Variants in PKHD1 observed in about 807,000 individuals in gnomAD.
PKHD1 encodes the protein PKHD1 ciliary IPT domain containing fibrocystin/polyductin.
Under a neutral mutation model 412.0 loss-of-function variants are expected in PKHD1, and 291 were observed. The observed-to-expected ratio is 0.71, with a 90% CI of 0.64 to 0.78. The LOEUF (loss-of-function observed/expected upper bound fraction) is 0.78, where lower values mean the gene tolerates loss of function less well. Among genes scored for constraint, PKHD1 ranks in the 30% least tolerant of loss-of-function variants. The probability of loss-of-function intolerance (pLI) is 0.00; values close to 1 mark genes in which losing one functional copy is unlikely to be tolerated. For missense variants in PKHD1, 4,825 were observed against 4,950.7 expected, an observed-to-expected ratio of 0.97 and a Z score of 0.76; for synonymous variants, 1,777 against 1,821.5, an observed-to-expected ratio of 0.98 and a Z score of 0.62.
At position 52,058,438 on chromosome 6, in the gene PKHD1, C is replaced by G. The variant is rs750730042; in HGVS notation, c.1397G>C (p.Gly466Ala). 7.4e-6 allele frequency: 12 copies of G among 1,614,164 alleles called. No individual in the cohort carries two copies. Among genetic ancestry groups the G allele is most frequent in the South Asian group, 2.2e-5 (2 of 91,076 alleles). The part of the protein sequence containing the change: ...AEHHGIAPSR[G>A]MRIGVQIHNT... Reference sequence around the variant, plus strand: ...GTGAATCTGGACACCAATCCTCATCCCCCTGCTTGGGGCTATCCCATGATG... The same window carrying G: ...GTGAATCTGGACACCAATCCTCATCGCCCTGCTTGGGGCTATCCCATGATG... Residue 466 changes from glycine to alanine, a missense_variant, in exon 16 of 67, where the codon GGG (glycine) becomes GCG (alanine). Coordinates refer to ENST00000371117, the MANE Select transcript of PKHD1 (RefSeq NM_138694.4).
chr6:51,916,971 C>A (rs568488046), intron 37 of PKHD1, among the ~76,000 whole-genome samples: 2 of 152,206 alleles, frequency 1.3e-5, no homozygotes, highest in East Asian at 3.9e-4. Context: ...TCAAGCATTT[C>A]AATGTCATTC....
At chr6:52,020,674 G>A (rs1437978325) in intron 33 of PKHD1, among the ~76,000 whole-genome samples, 2 of 152,142 alleles carry the variant, frequency 1.3e-5, no homozygotes, top group Non-Finnish European at 2.9e-5. Context: ...AAAAATTAGA[G>A]TAGGGGAGCA....
chr6:51,704,928 T>C (rs1192114622), intron 60 of PKHD1, among the ~76,000 whole-genome samples: 1 of 151,686 alleles, frequency 6.6e-6, no homozygotes, highest in East Asian at 1.9e-4. Context: ...AATACTAACA[T>C]TGGAGGTATA....
chr6:51,758,522 C>T (rs1001000779), intron 55 of PKHD1, among the ~76,000 whole-genome samples: 5 of 152,128 alleles, frequency 3.3e-5, no homozygotes, highest in Admixed American at 6.5e-5. Context: ...GTATTTTATT[C>T]CTCTGATTAG....
intron 43 of PKHD1, among the ~76,000 whole-genome samples, chr6:51,891,071 G>C (rs992766742): frequency 1.3e-5 from 2 of 152,106 alleles, no homozygotes; most frequent in African/African-American, 4.8e-5. Context: ...CACAGCTCAG[G>C]GAGTTTTACT....
intron 43 of PKHD1, among the ~76,000 whole-genome samples, chr6:51,900,467 T>C (rs1781053422): frequency 6.6e-6 from 1 of 152,216 alleles, no homozygotes; most frequent in African/African-American, 2.4e-5. Context: ...TGGCTAGCCA[T>C]ATGTAGAAAG....
intron 63 of PKHD1, among the ~76,000 whole-genome samples, chr6:51,644,460 T>A (rs1416928275): frequency 6.6e-6 from 1 of 152,178 alleles, no homozygotes; most frequent in Admixed American, 6.5e-5. Flanking sequence ...ATTCCATATA[T>A]TTTATGGGAA....
intron 37 of PKHD1, among the ~76,000 whole-genome samples, chr6:51,931,399 A>G (rs1583432576): frequency 6.6e-6 from 1 of 152,170 alleles, no homozygotes; most frequent in African/African-American, 2.4e-5. Context: ...GCTTTTTCCT[A>G]AAGCCCCAGT....
At chr6:52,029,145 G>T (rs969402213) in intron 29 of PKHD1, among the ~76,000 whole-genome samples, 1 of 151,982 alleles carries the variant, frequency 6.6e-6, no homozygotes, top group African/African-American at 2.4e-5. Flanking sequence ...TTTATATGGG[G>T]CAATTAATAT....
chr6:51,966,738 C>A (rs1050382064), intron 35 of PKHD1, among the ~76,000 whole-genome samples: 11 of 152,060 alleles, frequency 7.2e-5, no homozygotes, highest in Non-Finnish European at 1.6e-4. Context: ...AAATTCCTGA[C>A]CTCATGGAGC....
At chr6:51,645,600 G>A (rs1769991283) in intron 63 of PKHD1, among the ~76,000 whole-genome samples, 1 of 152,024 alleles carries the variant, frequency 6.6e-6, no homozygotes, top group Admixed American at 6.6e-5. Flanking sequence ...CACCATGTTG[G>A]CCAGGCTGGT....
chr6:51,775,437 T>C (rs1261475380), intron 54 of PKHD1, among the ~76,000 whole-genome samples: 1 of 151,940 alleles, frequency 6.6e-6, no homozygotes, highest in African/African-American at 2.4e-5. Context: ...CAACAGTGAA[T>C]GTTCCTTATT....
At chr6:52,003,599 T>A (rs1428213957) in intron 35 of PKHD1, among the ~76,000 whole-genome samples, 2 of 152,188 alleles carry the variant, frequency 1.3e-5, no homozygotes, top group Admixed American at 1.3e-4. Context: ...ACCTCTTTAT[T>A]GCGGTATGTT....
intron 61 of PKHD1, among the ~76,000 whole-genome samples, chr6:51,650,338 G>A (rs1045915638): frequency 6.6e-6 from 1 of 152,052 alleles, no homozygotes; most frequent in Admixed American, 6.6e-5. Flanking sequence ...ACAGATGTTT[G>A]GCAACTAAAT....
chr6:51,960,082 C>T lies in PKHD1; in HGVS notation c.5752-56G>A, dbSNP rs1169738975. The stretch of plus-strand genomic sequence containing the variant: ...GGTTGGTTGGTTGGCTGGTCTGTTG[C>T]TTCGTTGGTTGGTTCGCTGGTTTGT... On this transcript the variant is annotated intron_variant, in intron 35 of 66. Transcript: ENST00000371117. 5.1e-6 allele frequency: 8 copies of T among 1,567,258 alleles called. No homozygotes were observed. The East Asian group carries it at 1.6e-4, about 31-fold the overall frequency.
rs1562163265 is a variant in PKHD1, at chr6:52,025,165, A to AGTG, written c.4642_4644dup (p.His1548dup). The stretch of plus-strand genomic sequence containing the variant: ...TTTCTTGTATAAAAAACTGACAGGT[A>AGTG]GTGGGGTCCTGGGGCCAAGTCTCTT... On this transcript the variant is annotated inframe_insertion, in exon 32 of 67. Transcript: ENST00000371117. 1.2e-6 allele frequency: 2 copies of AGTG among 1,614,208 alleles called. No homozygotes were observed. The highest frequency in any genetic ancestry group is 1.7e-6 in the Non-Finnish European group (2 of 1,180,012).
rs1305773654 is a variant in PKHD1 at position 51,659,516 on chromosome 6, T to C, written c.10610A>G (p.Asn3537Ser). Residue 3537 changes from asparagine (N) to serine (S), a missense_variant, in exon 61 of 67, where the codon AAC becomes AGC. Asn to Ser is a conservative substitution (Grantham distance 46). Coordinates refer to ENST00000371117, the MANE Select transcript of PKHD1 (RefSeq NM_138694.4). ...AACATACAAGAGGTTATCCATGATG[T>C]TGAAATAGTTGGCACCAATAGATTC... ...LNESIGANYF[N>S]IMDNLLYVVL... 6.2e-7 allele frequency: 1 copy of C among 1,613,508 alleles called. No individual in the cohort carries two copies. The highest frequency in any genetic ancestry group is 2.2e-5 in the East Asian group (1 of 44,846).
chr6:51,748,301 G>A lies in PKHD1; in HGVS notation c.9315C>T (p.His3105=), dbSNP rs1298657935. Residue 3105 remains histidine, a synonymous_variant, in exon 58 of 67, where the codon CAC becomes CAT. Transcript: ENST00000371117. ...VVAGSERLGF[H]IRGHKCSSCE... is the part of the protein sequence containing the mutation. Reference sequence around the variant, plus strand: ...AAGAGGAGCACTTGTGGCCTCGGATGTGAAAGCCAAGTCTCTCTGATCCTG... The same window carrying A: ...AAGAGGAGCACTTGTGGCCTCGGATATGAAAGCCAAGTCTCTCTGATCCTG... 1.2e-6 allele frequency: 2 copies of A among 1,613,954 alleles called. No individual in the cohort carries two copies. Among genetic ancestry groups the A allele is most frequent in the Admixed American group, 1.7e-5 (1 of 59,972 alleles).
Position 51,632,657 on chromosome 6 carries a change from G to A in PKHD1, c.11573C>T (p.Thr3858Ile). 6.2e-7 allele frequency: 1 copy of A among 1,613,356 alleles called. No individual in the cohort carries two copies. Among genetic ancestry groups the A allele is most frequent in the Non-Finnish European group, 8.5e-7 (1 of 1,179,506 alleles). The change falls in exon 65 of 67, where the codon ACC (threonine) becomes ATC (isoleucine). Residue 3858 changes from threonine (T) to isoleucine (I), a missense_variant. Transcript: ENST00000371117. ...GGACAGGGAAGCAGCCAGGATGATG[G>A]TCGACTTCTCCTTCCTAGTCACAGG... ...VLPVTRKEKS[T>I]IILAASLSSV...
Sources: allele counts gnomAD v4.1 joint callset (sites outside exome capture counted in the v4.1 genomes callset), GRCh38; gene constraint gnomAD v4.1.1; transcripts MANE v1.5; gene names NCBI Gene and HGNC (gene_info 2026-07-23, HGNC 2026-07-21).